The following LTBP1 variants were observed in gnomAD, a reference collection of about 807,000 sequenced individuals.
LTBP1 encodes the protein latent-transforming growth factor beta-binding protein 1.
A neutral mutation model predicts 207.6 loss-of-function variants in LTBP1; 129 were observed. The ratio of observed to expected loss-of-function variants is 0.62; its 90% confidence interval spans 0.54 to 0.72. LTBP1 has a LOEUF of 0.72. LTBP1 is among the 30% of genes least tolerant of loss of function. The pLI, the probability that LTBP1 is intolerant of heterozygous loss-of-function variation, is 0.00. For synonymous variants in LTBP1, 963 were observed against 833.7 expected (o/e 1.16, Z -2.67); for missense variants, 2,281 against 2,217.2 (o/e 1.03, Z -0.58).
chr2:33,333,416 T>C (rs1203541492), intron 24 of LTBP1, among the ~76,000 whole-genome samples: 1 of 152,192 alleles, frequency 6.6e-6, no homozygotes, highest in Non-Finnish European at 1.5e-5. Context: ...AGGATATTGT[T>C]ATAATAGCTC....
chr2:32,947,872 G>C, intron 1 of LTBP1, 54 bp downstream of exon 1: 1 of 1,268,284 alleles, frequency 7.9e-7, no homozygotes, highest in African/African-American at 1.6e-5. Flanking sequence ...ACCGCCCGCG[G>C]AGGGACCTGC....
At chr2:33,035,721 G>A (rs987686868) in intron 3 of LTBP1, among the ~76,000 whole-genome samples, 3 of 152,034 alleles carry the variant, frequency 2.0e-5, no homozygotes, top group South Asian at 2.1e-4. Context: ...GTTCACATGG[G>A]GTATAATTCT....
At chr2:33,288,873 AAAAAG>A (rs1166495919) in intron 19 of LTBP1, among the ~76,000 whole-genome samples, 3 of 152,010 alleles carry the variant, frequency 2.0e-5, no homozygotes, top group Non-Finnish European at 2.9e-5. Flanking sequence ...AAAAAAAAGA[AAAAAG>A]AAAAGAAGGT....
At position 32,995,972 on chromosome 2, in the gene LTBP1, T is replaced by TA. The variant is rs200054074; in HGVS notation, c.566-24936dup. ...GTCCTAACCTGAGTCTTCGTAATCT[T>TA]ACACCTGTGGGATTAACTACCATGC... On this transcript the variant is annotated intron_variant, in intron 2 of 33. Transcript: ENST00000404816. 7.5e-3 allele frequency among the ~76,000 whole-genome samples: 1,146 copies of TA among 152,336 alleles called. 13 individuals are homozygous for TA. The highest frequency in any genetic ancestry group is 0.025 in the African/African-American group (1,052 of 41,564).
chr2:33,182,346 G>T (rs377145907), intron 5 of LTBP1, among the ~76,000 whole-genome samples: 12 of 152,040 alleles, frequency 7.9e-5, no homozygotes, highest in East Asian at 7.8e-4. Flanking sequence ...AAAGTCAATT[G>T]GTTACTGTTT....
At chr2:33,028,576 C>G (rs997172709) in intron 3 of LTBP1, among the ~76,000 whole-genome samples, 1 of 152,104 alleles carries the variant, frequency 6.6e-6, no homozygotes, top group East Asian at 1.9e-4. Context: ...GAAACCAATT[C>G]AAAAAGTCAC....
At position 32,975,470 on chromosome 2, in the gene LTBP1, A is replaced by G. The variant is rs537667881; in HGVS notation, c.565+26525A>G. Among the ~76,000 whole-genome samples, 10 of 151,626 alleles carry G rather than the reference A, an allele frequency of 6.6e-5. No homozygotes were observed. In the South Asian group the frequency reaches 1.3e-3, roughly 19 times the overall value. On this transcript the variant is annotated intron_variant, in intron 2 of 33. Transcript: ENST00000404816. Reference sequence around the variant, plus strand: ...TTTGTGAAGTGAATGATATCCTTAAATATATTTTTCAAGGTGTTTACTTTC... The same window carrying G: ...TTTGTGAAGTGAATGATATCCTTAAGTATATTTTTCAAGGTGTTTACTTTC...
chr2:33,046,135 A>G (rs962881915), intron 3 of LTBP1, among the ~76,000 whole-genome samples: 20 of 152,176 alleles, frequency 1.3e-4, no homozygotes, highest in African/African-American at 4.8e-4. Flanking sequence ...CACTGGCCAG[A>G]ACTTCCAATA....
intron 23 of LTBP1, among the ~76,000 whole-genome samples, chr2:33,310,036 C>CTT (rs1162421688): frequency 1.3e-4 from 20 of 151,560 alleles, no homozygotes; most frequent in Admixed American, 3.9e-4. Flanking sequence ...CAACCTCCAC[C>CTT]TCCCAGGTTC....
At chr2:33,118,007 C>G (rs1046233588) in intron 4 of LTBP1, among the ~76,000 whole-genome samples, 1 of 151,956 alleles carries the variant, frequency 6.6e-6, no homozygotes, top group African/African-American at 2.4e-5. Context: ...CAGGAGAAAT[C>G]CAGGGTTTGG....
intron 5 of LTBP1, among the ~76,000 whole-genome samples, chr2:33,175,722 C>G (rs969120319): frequency 1.9e-4 from 29 of 152,052 alleles, no homozygotes; most frequent in African/African-American, 5.6e-4. Flanking sequence ...TATTGCGGCA[C>G]TATTCACAAT....
At chr2:33,046,493 A>G (rs1317087380) in intron 3 of LTBP1, among the ~76,000 whole-genome samples, 1 of 152,080 alleles carries the variant, frequency 6.6e-6, no homozygotes, top group Non-Finnish European at 1.5e-5. Context: ...AAGCTTTTTG[A>G]TGTGCTGCTG....
At chr2:33,271,742 T>A (rs994639846) in intron 15 of LTBP1, among the ~76,000 whole-genome samples, 1 of 152,204 alleles carries the variant, frequency 6.6e-6, no homozygotes, top group African/African-American at 2.4e-5. Context: ...TGTAGTATAA[T>A]GGAGATTATA....
At chr2:33,336,630 C>G (rs1357162297) in intron 24 of LTBP1, among the ~76,000 whole-genome samples, 1 of 152,192 alleles carries the variant, frequency 6.6e-6, no homozygotes, top group Non-Finnish European at 1.5e-5. Context: ...CAAAAAATGA[C>G]ACCCCCATTC....
chr2:33,363,496 T>C lies in LTBP1; in HGVS notation c.4377T>C (p.Asp1459=). The change falls in exon 29 of 34, where the codon GAT becomes GAC. Residue 1459 remains aspartate, a synonymous_variant. Transcript: ENST00000404816. ...ACTGTAAGCAAGGGACGTACTATGA[T>C]CCTGTGAAACTGCAGTGCTTTGGTA... ...ECYCKQGTYY[D]PVKLQCFDMD... The C allele has an allele frequency of 6.2e-7, 1 of 1,613,888 alleles. No individual in the cohort carries two copies. The highest frequency in any genetic ancestry group is 8.5e-7 in the Non-Finnish European group (1 of 1,179,808).
chr2:33,366,999 C>T (rs2094996808), intron 31 of LTBP1, among the ~76,000 whole-genome samples: 1 of 152,132 alleles, frequency 6.6e-6, no homozygotes, highest in Non-Finnish European at 1.5e-5. Flanking sequence ...CCTCCACCTA[C>T]CCCATCACAG....
intron 31 of LTBP1, among the ~76,000 whole-genome samples, chr2:33,366,679 A>G (rs577196063): frequency 6.6e-6 from 1 of 152,322 alleles, no homozygotes; most frequent in African/African-American, 2.4e-5. Context: ...TGTACAGCTC[A>G]TTTGTAAAAC....
intron 9 of LTBP1, among the ~76,000 whole-genome samples, chr2:33,228,086 T>G (rs570802369): frequency 1.3e-5 from 2 of 152,106 alleles, no homozygotes; most frequent in Non-Finnish European, 2.9e-5. Context: ...ATTACAGGCA[T>G]GAGCCACCAC....
intron 31 of LTBP1, among the ~76,000 whole-genome samples, chr2:33,367,473 T>C (rs906825243): frequency 1.3e-5 from 2 of 152,136 alleles, no homozygotes; most frequent in African/African-American, 4.8e-5. Context: ...CTGTGCCCAA[T>C]AGGTAATTTT....
Sources: gnomAD v4.1 joint callset for allele counts (sites outside exome capture counted in the v4.1 genomes callset) on GRCh38, gnomAD v4.1.1 for gene constraint, MANE v1.5 for transcripts, NCBI Gene and HGNC (gene_info 2026-07-23, HGNC 2026-07-21) for gene names.